Variants in UBXN2A observed in about 807,000 individuals in gnomAD.
UBXN2A encodes the protein UBX domain-containing protein 2A.
In UBXN2A, 28 loss-of-function variants were observed where a neutral mutation model predicts 28.4. The observed-to-expected ratio is 0.99, with a 90% CI of 0.73 to 1.35. UBXN2A has a LOEUF of 1.35. Among genes scored for constraint, UBXN2A ranks in the 40% most tolerant of loss-of-function variants. UBXN2A has a pLI of 0.00. For missense variants in UBXN2A, 253 were observed against 297.9 expected (o/e 0.85, Z 1.11); for synonymous variants, 97 against 103.6 (o/e 0.94, Z 0.39).
chr2:23,938,801 CAT>C (rs1705616190), upstream of UBXN2A, among the ~76,000 whole-genome samples: 1 of 152,140 alleles, frequency 6.6e-6, no homozygotes, highest in African/African-American at 2.4e-5. Context: ...TAAATTTATA[CAT>C]CCATGGTCAA....
chr2:23,946,009 T>G (rs1328506627), intron 1 of UBXN2A, among the ~76,000 whole-genome samples: 1 of 151,970 alleles, frequency 6.6e-6, no homozygotes, highest in African/African-American at 2.4e-5. Flanking sequence ...TTTTTGTATT[T>G]TTAGTAGGCA....
At chr2:23,950,193 T>C (rs1424281416) in intron 1 of UBXN2A, among the ~76,000 whole-genome samples, 1 of 152,024 alleles carries the variant, frequency 6.6e-6, no homozygotes, top group African/African-American at 2.4e-5. Context: ...AAAATCTAAA[T>C]GCTTAGGAGG....
In UBXN2A at chr2:23,983,109, T is replaced by TAGA. The variant is rs1707982247; in HGVS notation, c.425+77_425+79dup. 7 of 1,385,920 alleles carry TAGA rather than the reference T, an allele frequency of 5.1e-6. No homozygotes were observed. In the East Asian group the frequency reaches 1.5e-4, roughly 30 times the overall value. The allele number at this position is 1,385,920 out of a possible 1,614,324, so 85.9% of individuals were successfully genotyped here. ...TCTGTCTATCAGTATTTTACCCATGTAGACCACATGAATGGAGCTTATCAT... is the reference window on the plus strand; with the variant it reads ...TCTGTCTATCAGTATTTTACCCATGTAGAAGACCACATGAATGGAGCTTATCAT... On this transcript the variant is annotated intron_variant, in intron 5 of 6. Coordinates refer to ENST00000309033, the MANE Select transcript of UBXN2A (RefSeq NM_181713.4).
At chr2:23,934,214 A>AT (rs1705459059) in intron 1 of UBXN2A, among the ~76,000 whole-genome samples, 3 of 150,430 alleles carry the variant, frequency 2.0e-5, no homozygotes, top group African/African-American at 7.3e-5. Flanking sequence ...CTGTGTTAAA[A>AT]TAAAAAAAAA....
At chr2:23,980,571 G>A (rs990735431) in intron 4 of UBXN2A, among the ~76,000 whole-genome samples, 10 of 152,010 alleles carry the variant, frequency 6.6e-5, no homozygotes, top group African/African-American at 2.4e-4. Flanking sequence ...TTGTCCATTC[G>A]TACATCTTCT....
intron 4 of UBXN2A, among the ~76,000 whole-genome samples, chr2:23,981,355 A>G (rs181687820): frequency 1.7e-3 from 250 of 150,484 alleles, no homozygotes; most frequent in South Asian, 4.7e-3. Flanking sequence ...GCACACACCT[A>G]TAGTCCTGGC....
At chr2:23,970,104 C>T (rs1002887292) in intron 2 of UBXN2A, among the ~76,000 whole-genome samples, 1 of 152,020 alleles carries the variant, frequency 6.6e-6, no homozygotes, top group Admixed American at 6.6e-5. Context: ...CCAGCCTGGG[C>T]AACACAGTGA....
chr2:23,940,787 G>A (rs1705714224), intron 1 of UBXN2A, 139 bp downstream of exon 1: 1 of 152,090 alleles, frequency 6.6e-6, no homozygotes. Context: ...TCGCTCCGGA[G>A]GGCCGCGTGT....
chr2:23,937,606 G>C (rs1191644592), upstream of UBXN2A, among the ~76,000 whole-genome samples: 1 of 151,956 alleles, frequency 6.6e-6, no homozygotes, highest in Non-Finnish European at 1.5e-5. Flanking sequence ...TCCAAATACT[G>C]GCAATAAAAA....
At chr2:23,987,463 T>C (rs72781648) in intron 6 of UBXN2A, among the ~76,000 whole-genome samples, 18,649 of 152,156 alleles carry the variant, frequency 0.12, 1,226 homozygotes, top group Middle Eastern at 0.21. Flanking sequence ...ATAATTACTC[T>C]GAATTTCAAA....
At chr2:23,982,825 A>T (rs1707966701) in intron 4 of UBXN2A, 71 bp from the exon 5 acceptor site, 1 of 1,452,284 alleles carries the variant, frequency 6.9e-7, no homozygotes. Context: ...CATTTTTTGT[A>T]TGTACAGAAT....
intron 2 of UBXN2A, among the ~76,000 whole-genome samples, chr2:23,963,545 A>G (rs551798421): frequency 3.3e-5 from 5 of 152,082 alleles, no homozygotes; most frequent in Admixed American, 3.3e-4. Context: ...TACAACAGGT[A>G]TATGTTCAGT....
Position 23,984,692 on chromosome 2 carries a change from T to C in UBXN2A, c.445T>C (p.Ser149Pro). Residue 149 changes from serine (S) to proline (P), a missense_variant, in exon 6 of 7, where the codon TCT (serine) becomes CCT (proline). By Grantham distance (74) the Ser-to-Pro change is moderately conservative. Transcript: ENST00000309033. ...RLGSATPKIVSKAKNIEVENK... is the reference protein window; with the variant it reads ...RLGSATPKIVPKAKNIEVENK... ...CCTTAGTGCCACACCAAAAATTGTTTCTAAAGCAAAGAATATTGAAGTTGA... is the reference window on the plus strand; with the variant it reads ...CCTTAGTGCCACACCAAAAATTGTTCCTAAAGCAAAGAATATTGAAGTTGA... 6.5e-7 allele frequency: 1 copy of C among 1,538,254 alleles called. No individual in the cohort carries two copies. The highest frequency in any genetic ancestry group is 8.7e-7 in the Non-Finnish European group (1 of 1,152,646).
At chr2:23,974,425 A>C (rs1707564811) in intron 3 of UBXN2A, among the ~76,000 whole-genome samples, 1 of 150,184 alleles carries the variant, frequency 6.7e-6, no homozygotes, top group African/African-American at 2.5e-5. Flanking sequence ...GGCTCACTGC[A>C]AGCTCCGCCT....
At chr2:23,980,546 CTT>C (rs1189183403) in intron 4 of UBXN2A, among the ~76,000 whole-genome samples, 2 of 152,116 alleles carry the variant, frequency 1.3e-5, no homozygotes, top group Admixed American at 6.6e-5. Context: ...TGTTGAGTGT[CTT>C]TTCATGTGCT....
At chr2:23,944,842 G>C (rs948075789) in intron 1 of UBXN2A, among the ~76,000 whole-genome samples, 2 of 152,154 alleles carry the variant, frequency 1.3e-5, no homozygotes, top group African/African-American at 4.8e-5. Flanking sequence ...GAAGAGAGGT[G>C]GGAGTGGAGC....
chr2:23,996,776 T>G (rs1045246787), intron 6 of UBXN2A: 3 of 144,680 alleles, frequency 2.1e-5, no homozygotes, highest in Admixed American at 6.9e-5. Flanking sequence ...TGCCCAGACT[T>G]TTTTTTTTTT....
chr2:23,959,271 C>T (rs1706791092), intron 2 of UBXN2A, among the ~76,000 whole-genome samples: 1 of 152,110 alleles, frequency 6.6e-6, no homozygotes, highest in African/African-American at 2.4e-5. Flanking sequence ...GTAGGCGGAT[C>T]ACCTGAGGTC....
At chr2:23,975,489 G>A (rs984644727) in intron 3 of UBXN2A, among the ~76,000 whole-genome samples, 38 of 152,246 alleles carry the variant, frequency 2.5e-4, no homozygotes, top group African/African-American at 8.9e-4. Context: ...TTTTTGACGT[G>A]AGACATTTTA....
Sources: allele counts gnomAD v4.1 joint callset (sites outside exome capture counted in the v4.1 genomes callset), GRCh38; gene constraint gnomAD v4.1.1; transcripts MANE v1.5; gene names NCBI Gene and HGNC (gene_info 2026-07-23, HGNC 2026-07-21).